The following FAM13A variants were observed in gnomAD, a reference collection of about 807,000 sequenced individuals.
The protein encoded by FAM13A is protein FAM13A.
FAM13A carries 76 observed loss-of-function variants against 129.6 expected under a neutral mutation model. That is an observed-to-expected ratio of 0.59 (90% CI 0.49 to 0.71). FAM13A has a LOEUF of 0.71. FAM13A is among the 30% of genes least tolerant of loss of function. The probability of loss-of-function intolerance (pLI) is 0.00; values close to 1 mark genes in which losing one functional copy is unlikely to be tolerated. For synonymous variants in FAM13A, 443 were observed against 449.9 expected, an observed-to-expected ratio of 0.98 and a Z score of 0.20; for missense variants, 1,108 against 1,249.3, an observed-to-expected ratio of 0.89 and a Z score of 1.70.
At position 88,727,741 on chromosome 4, in the gene FAM13A, A is replaced by T. The variant is rs535959274; in HGVS notation, c.*792T>A. 2.0e-5 allele frequency: 3 copies of T among 152,376 alleles called. No individual in the cohort carries two copies. The highest frequency in any genetic ancestry group is 4.8e-5 in the African/African-American group (2 of 41,574). 9.4% of individuals were successfully genotyped at this position (152,376 alleles called of 1,614,324 possible). On this transcript the variant is annotated 3_prime_UTR_variant, in exon 24 of 24. Coordinates refer to ENST00000264344, the MANE Select transcript of FAM13A (RefSeq NM_014883.4). ...TAAAATCAGACTGGTAAGTGCAGTC[A>T]GTGTTCAGGAAAGAATCTCCAGGCT...
chr4:88,873,614 A>G (rs542337451), intron 6 of FAM13A, among the ~76,000 whole-genome samples: 35 of 152,360 alleles, frequency 2.3e-4, no homozygotes, highest in African/African-American at 8.2e-4. Flanking sequence ...CGCTGAATAG[A>G]CCAATAACAG....
At chr4:88,895,531 G>C (rs1579165146) in intron 6 of FAM13A, among the ~76,000 whole-genome samples, 1 of 150,090 alleles carries the variant, frequency 6.7e-6, no homozygotes, top group East Asian at 1.9e-4. Context: ...CTGACAAAGG[G>C]CTAATATCCA....
At chr4:89,036,703 T>C (rs143573556) in intron 1 of FAM13A, among the ~76,000 whole-genome samples, 2 of 152,222 alleles carry the variant, frequency 1.3e-5, no homozygotes, top group South Asian at 2.1e-4. Flanking sequence ...GCTGGAGGCC[T>C]AGGAGGGAAG....
At chr4:88,951,165 A>C (rs1756891810) in intron 4 of FAM13A, among the ~76,000 whole-genome samples, 3 of 152,142 alleles carry the variant, frequency 2.0e-5, no homozygotes, top group Admixed American at 2.0e-4. Context: ...TCCCATTTTG[A>C]AAATCTGGGT....
At chr4:88,750,694 T>A (rs1742397936) in intron 14 of FAM13A, 57 bp from the exon 15 acceptor site, 2 of 1,351,976 alleles carry the variant, frequency 1.5e-6, no homozygotes, top group Non-Finnish European at 2.1e-6. Flanking sequence ...AGGGTTGTTC[T>A]TTAAAACACA....
chr4:88,848,775 C>G lies in FAM13A; in HGVS notation c.1007+2245G>C, dbSNP rs144783476. 5.1e-3 allele frequency among the ~76,000 whole-genome samples: 775 copies of G among 152,252 alleles called. 2 individuals are homozygous for G. Among genetic ancestry groups the G allele is most frequent in the Non-Finnish European group, 8.1e-3 (552 of 68,014 alleles). ...TCCTAGAATTACTCCCTATTGTTTTCAAGAGAAAATCCAAATATGGGATAT... is the reference window on the plus strand; with the variant it reads ...TCCTAGAATTACTCCCTATTGTTTTGAAGAGAAAATCCAAATATGGGATAT... On this transcript the variant is annotated intron_variant, in intron 7 of 23. Transcript: ENST00000264344.
intron 13 of FAM13A, among the ~76,000 whole-genome samples, chr4:88,760,181 C>A (rs542186601): frequency 6.6e-6 from 1 of 152,336 alleles, no homozygotes; most frequent in South Asian, 2.1e-4. Context: ...ACTTTGAAAT[C>A]ATCAGGGAAT....
At position 88,991,010 on chromosome 4, in the gene FAM13A, GAACA is replaced by G; in HGVS notation, c.564_567del (p.Val189ThrfsTer21). On this transcript the variant is annotated frameshift_variant, in exon 4 of 24. Coordinates refer to ENST00000264344, the MANE Select transcript of FAM13A (RefSeq NM_014883.4). LOFTEE classifies it high-confidence loss of function. Reference sequence around the variant, plus strand: ...GGCCCAAATACAGTGGCGAGATTGTGAACATTCATGCGATTCTGCACATGATGCT... The same window carrying G: ...GGCCCAAATACAGTGGCGAGATTGTGTTCATGCGATTCTGCACATGATGCT... 1 of 1,614,142 alleles carries G rather than the reference GAACA, an allele frequency of 6.2e-7. No homozygotes were observed. Among genetic ancestry groups the G allele is most frequent in the Non-Finnish European group, 8.5e-7 (1 of 1,180,006 alleles).
chr4:88,858,612 T>C (rs540449799), intron 6 of FAM13A, among the ~76,000 whole-genome samples: 1 of 152,260 alleles, frequency 6.6e-6, no homozygotes, highest in South Asian at 2.1e-4. Context: ...CCTGAAAACA[T>C]TATGCCAAGT....
chr4:88,828,632 G>T (rs1462137314), intron 7 of FAM13A, among the ~76,000 whole-genome samples: 3 of 152,148 alleles, frequency 2.0e-5, no homozygotes, highest in African/African-American at 7.2e-5. Context: ...AGTGCAGAAT[G>T]AATTAATGGA....
chr4:88,972,149 T>C (rs1760183585), intron 4 of FAM13A, among the ~76,000 whole-genome samples: 1 of 152,160 alleles, frequency 6.6e-6, no homozygotes, highest in Non-Finnish European at 1.5e-5. Flanking sequence ...TTCCTTCTGA[T>C]GCTCTTCCTT....
chr4:88,983,656 T>A (rs1761907895), intron 4 of FAM13A, among the ~76,000 whole-genome samples: 1 of 152,204 alleles, frequency 6.6e-6, no homozygotes, highest in South Asian at 2.1e-4. Flanking sequence ...AAGACCTAAG[T>A]AAATGGAAAA....
At chr4:88,958,089 CAGG>C (rs533139968) in intron 4 of FAM13A, among the ~76,000 whole-genome samples, 476 of 151,924 alleles carry the variant, frequency 3.1e-3, no homozygotes, top group Non-Finnish European at 5.5e-3. Flanking sequence ...AAAGCTTTTT[CAGG>C]AGAAGAATTC....
chr4:89,040,503 T>G (rs766604281), intron 1 of FAM13A, among the ~76,000 whole-genome samples: 1 of 152,220 alleles, frequency 6.6e-6, no homozygotes, highest in Non-Finnish European at 1.5e-5. Context: ...CAATAACAAT[T>G]GGAGGATTAC....
At chr4:88,949,431 T>C (rs2045516) in intron 4 of FAM13A, among the ~76,000 whole-genome samples, 42,638 of 152,100 alleles carry the variant, frequency 0.28, 7,051 homozygotes, top group Middle Eastern at 0.41. Context: ...TTCTCCCTTA[T>C]GTAGTTCCTT....
At chr4:88,834,058 T>G (rs910399788) in intron 7 of FAM13A, among the ~76,000 whole-genome samples, 2 of 138,370 alleles carry the variant, frequency 1.4e-5, no homozygotes, top group Admixed American at 7.1e-5. Context: ...CCTGGCTATT[T>G]TTTTTTTTTT....
intron 21 of FAM13A, among the ~76,000 whole-genome samples, chr4:88,736,804 G>GA (rs1199430900): frequency 2.6e-5 from 4 of 151,558 alleles, no homozygotes; most frequent in South Asian, 2.1e-4. Context: ...CATATTACTG[G>GA]AAAAAAAATC....
chr4:88,752,812 C>A (rs1742899968), intron 14 of FAM13A, among the ~76,000 whole-genome samples: 1 of 152,162 alleles, frequency 6.6e-6, no homozygotes, highest in Non-Finnish European at 1.5e-5. Context: ...ATTAAACTGA[C>A]CAGCTTGCAT....
Position 89,020,654 on chromosome 4 carries a change from C to T in FAM13A, c.233G>A (p.Gly78Asp), listed in dbSNP as rs1359298853. Reference sequence around the variant, plus strand: ...CACGTTACCATTCACCCTAAAAAGACCTTCTTGGGTAAGTCCTGGAAGAGC... The same window carrying T: ...CACGTTACCATTCACCCTAAAAAGATCTTCTTGGGTAAGTCCTGGAAGAGC... ...YLTQHGLTQE[G>D]LFRVNGNVKV... Residue 78 changes from glycine to aspartate, a missense_variant, in exon 3 of 24, where the codon GGT (glycine) becomes GAT (aspartate). By Grantham distance (94) the Gly-to-Asp change is moderately conservative (BLOSUM62 -1). Around this residue, in one of 3 missense-constraint regions of FAM13A, gnomAD observed 566 missense variants for 595.7 expected, o/e 0.95. Transcript: ENST00000264344. 6.2e-7 allele frequency: 1 copy of T among 1,613,942 alleles called. No homozygotes were observed. The highest frequency in any genetic ancestry group is 1.7e-5 in the Admixed American group (1 of 59,990).
Sources: gnomAD v4.1 joint callset for allele counts (sites outside exome capture counted in the v4.1 genomes callset) on GRCh38, gnomAD v4.1.1 for gene constraint, gnomAD v4.1.1 regional missense constraint, MANE v1.5 for transcripts, NCBI Gene and HGNC (gene_info 2026-07-23, HGNC 2026-07-21) for gene names.